The following PBX1 variants were observed in gnomAD, a reference collection of about 807,000 sequenced individuals.
PBX1 encodes the protein PBX homeobox 1.
Under a neutral mutation model 53.4 loss-of-function variants are expected in PBX1, and 6 were observed. The ratio of observed to expected loss-of-function variants is 0.11; its 90% CI spans 0.06 to 0.22. PBX1 has a LOEUF of 0.22. PBX1 is among the 10% of genes least tolerant of loss of function. The pLI is 1.00. For synonymous variants in PBX1, 204 were observed against 212.3 expected, an observed-to-expected ratio of 0.96 and a Z score of 0.34; for missense variants, 251 against 551.4, an observed-to-expected ratio of 0.46 and a Z score of 5.46.
chr1:164,596,899 G>A (rs1260327907), intron 2 of PBX1, among the ~76,000 whole-genome samples: 4 of 152,062 alleles, frequency 2.6e-5, no homozygotes, highest in Non-Finnish European at 5.9e-5. Context: ...TTATCCAGGA[G>A]GAACTCCAGG....
chr1:164,743,512 A>G (rs1181455815), intron 2 of PBX1, among the ~76,000 whole-genome samples: 3 of 152,150 alleles, frequency 2.0e-5, no homozygotes, highest in Non-Finnish European at 4.4e-5. Context: ...GAATTTATTA[A>G]GTGGTATTTA....
intron 2 of PBX1, among the ~76,000 whole-genome samples, chr1:164,610,201 A>G (rs75396639): frequency 0.011 from 1,653 of 152,182 alleles, 28 homozygotes; most frequent in African/African-American, 0.037. Flanking sequence ...GCCAACCACA[A>G]TCTCCCCGGG....
intron 2 of PBX1, among the ~76,000 whole-genome samples, chr1:164,704,150 G>A (rs1050025215): frequency 1.1e-4 from 16 of 152,100 alleles, no homozygotes; most frequent in African/African-American, 2.9e-4. Context: ...TCTTGCTTTC[G>A]CTGACAGTAC....
intron 2 of PBX1, chr1:164,625,928 G>A: frequency 9.7e-7 from 1 of 1,029,986 alleles, no homozygotes; most frequent in Non-Finnish European, 1.2e-6. Flanking sequence ...ATTTGTGACA[G>A]AATTGAAGGA....
chr1:164,599,369 A>G (rs2792253), intron 2 of PBX1, among the ~76,000 whole-genome samples: 62,516 of 151,564 alleles, frequency 0.41, 13,388 homozygotes, highest in East Asian at 0.63. Context: ...ACCCCCCTCC[A>G]TTTTTGTTTC....
intron 2 of PBX1, among the ~76,000 whole-genome samples, chr1:164,729,113 T>A (rs1664846716): frequency 6.6e-6 from 1 of 152,170 alleles, no homozygotes; most frequent in Non-Finnish European, 1.5e-5. Flanking sequence ...CAAGCAGAAT[T>A]TTCAAGGCAG....
chr1:164,580,833 C>T (rs1357190303), intron 2 of PBX1, among the ~76,000 whole-genome samples: 2 of 152,202 alleles, frequency 1.3e-5, no homozygotes, highest in Non-Finnish European at 2.9e-5. Context: ...CCCTCCTCGA[C>T]CTCCCAGAGT....
At chr1:164,730,598 A>C (rs2102135658) in intron 2 of PBX1, among the ~76,000 whole-genome samples, 1 of 152,302 alleles carries the variant, frequency 6.6e-6, no homozygotes, top group African/African-American at 2.4e-5. Flanking sequence ...GATTTTACTA[A>C]GCAAAAGTAT....
At position 164,849,216 on chromosome 1, in the gene PBX1, C is replaced by T; in HGVS notation, c.*2540C>T. The T allele has an allele frequency of 6.9e-7, 1 of 1,453,852 alleles. No homozygotes were observed. Among genetic ancestry groups the T allele is most frequent in the Non-Finnish European group, 9.1e-7 (1 of 1,101,342 alleles). The allele number at this position is 1,453,852 out of a possible 1,614,324, so 90.1% of individuals were successfully genotyped here. The stretch of plus-strand genomic sequence containing the variant: ...GAATAATTGCCATGTTAAGTTAATG[C>T]AAAAGATCAGAACAGGGCTACATTT... On this transcript the variant is annotated 3_prime_UTR_variant, in exon 9 of 9. Transcript: ENST00000420696.
chr1:164,781,872 A>G (rs1667951927), intron 2 of PBX1, among the ~76,000 whole-genome samples: 1 of 152,068 alleles, frequency 6.6e-6, no homozygotes, highest in East Asian at 1.9e-4. Context: ...TGGTTATTAA[A>G]TCTGCCTTTT....
At chr1:164,807,462 C>T in intron 4 of PBX1, 80 bp from the exon 5 acceptor site, 7 of 1,514,414 alleles carry the variant, frequency 4.6e-6, no homozygotes, top group Non-Finnish European at 5.3e-6. Flanking sequence ...TGTCTTCTCC[C>T]AGAAGTAGAT....
intron 2 of PBX1, among the ~76,000 whole-genome samples, chr1:164,766,238 T>A (rs2102233053): frequency 6.6e-6 from 1 of 152,320 alleles, no homozygotes; most frequent in Admixed American, 6.5e-5. Context: ...TGTGGCTGCA[T>A]GGAAGGCTGG....
intron 2 of PBX1, among the ~76,000 whole-genome samples, chr1:164,689,001 C>A (rs1208989712): frequency 6.6e-6 from 1 of 152,266 alleles, no homozygotes; most frequent in African/African-American, 2.4e-5. Flanking sequence ...CGCGCCTCCC[C>A]TTGGTGCCGC....
chr1:164,667,622 T>C (rs538540149), intron 2 of PBX1, among the ~76,000 whole-genome samples: 2 of 152,314 alleles, frequency 1.3e-5, no homozygotes, highest in East Asian at 1.9e-4. Flanking sequence ...CAGTAGATCA[T>C]TGGCATTCAA....
chr1:164,766,425 C>T (rs1667060145), intron 2 of PBX1, among the ~76,000 whole-genome samples: 2 of 152,024 alleles, frequency 1.3e-5, no homozygotes, highest in South Asian at 4.2e-4. Context: ...TCATCATCAC[C>T]CCTGCTTTAC....
At chr1:164,792,437 T>C (rs1668562437) in intron 2 of PBX1, 57 bp from the exon 3 acceptor site, 1 of 1,596,690 alleles carries the variant, frequency 6.3e-7, no homozygotes, top group Non-Finnish European at 8.5e-7. Flanking sequence ...TGTGTTGTGT[T>C]TTTTATTTTC....
intron 2 of PBX1, among the ~76,000 whole-genome samples, chr1:164,605,930 A>G (rs1311605423): frequency 2.6e-5 from 4 of 152,170 alleles, no homozygotes; most frequent in Non-Finnish European, 5.9e-5. Context: ...TTTTTCATTA[A>G]AATTCTTTGA....
chr1:164,878,710 G>A (rs1672573118), intron 2 of PBX1, among the ~76,000 whole-genome samples: 1 of 152,144 alleles, frequency 6.6e-6, no homozygotes, highest in African/African-American at 2.4e-5. Context: ...GACCATGTCA[G>A]TAGCTAAGTA....
chr1:164,634,609 T>G (rs891910645), intron 2 of PBX1, among the ~76,000 whole-genome samples: 2 of 152,184 alleles, frequency 1.3e-5, no homozygotes, highest in African/African-American at 2.4e-5. Context: ...TTACTTGAAC[T>G]GTCTGATGGA....
Sources: allele counts gnomAD v4.1 joint callset (sites outside exome capture counted in the v4.1 genomes callset), GRCh38; gene constraint gnomAD v4.1.1; transcripts MANE v1.5; gene names NCBI Gene and HGNC (gene_info 2026-07-23, HGNC 2026-07-21).